The following IGSF10 variants were observed in gnomAD, a reference collection of about 807,000 sequenced individuals.
The protein encoded by IGSF10 is immunoglobulin superfamily member 10.
Under a neutral mutation model 128.2 loss-of-function variants are expected in IGSF10, and 126 were observed. The ratio of observed to expected loss-of-function variants is 0.98; its 90% CI spans 0.85 to 1.14. The LOEUF (loss-of-function observed/expected upper bound fraction) is 1.14. IGSF10 is among the 50% of genes most tolerant of loss of function. IGSF10 has a pLI of 0.00. For missense variants in IGSF10, 3,295 were observed against 3,149.8 expected (o/e 1.05, Z -1.10); for synonymous variants, 1,185 against 1,146.2 (o/e 1.03, Z -0.68).
At chr3:151,613,984 A>AG in the IGSF10 span, among the ~76,000 whole-genome samples, 1 of 152,188 alleles carries the variant, frequency 6.6e-6, no homozygotes, top group Non-Finnish European at 1.5e-5. Flanking sequence ...TACAAGAAAA[A>AG]ACAACCCCAT....
At chr3:151,579,894 G>A in the IGSF10 span, among the ~76,000 whole-genome samples, 4 of 140,754 alleles carry the variant, frequency 2.8e-5, no homozygotes, top group Admixed American at 2.4e-4. Context: ...AAGGAAGGAA[G>A]GAAGGAAGGA....
At chr3:151,508,599 C>A in the IGSF10 span, among the ~76,000 whole-genome samples, 1 of 152,138 alleles carries the variant, frequency 6.6e-6, no homozygotes, top group Non-Finnish European at 1.5e-5. Context: ...TATTGTTTTA[C>A]AGTGATCTGT....
the IGSF10 span, among the ~76,000 whole-genome samples, chr3:151,555,619 G>T: frequency 6.6e-6 from 1 of 152,168 alleles, no homozygotes; most frequent in Non-Finnish European, 1.5e-5. Context: ...AAGTAGCACT[G>T]ATTGAGTCTA....
the IGSF10 span, among the ~76,000 whole-genome samples, chr3:151,608,880 T>C: frequency 1.3e-5 from 2 of 152,340 alleles, no homozygotes; most frequent in African/African-American, 4.8e-5. Context: ...TGAGTTTCTT[T>C]AGATCACTGA....
the IGSF10 span, among the ~76,000 whole-genome samples, chr3:151,614,019 T>C: frequency 3.3e-5 from 5 of 151,998 alleles, no homozygotes; most frequent in Non-Finnish European, 7.4e-5. Flanking sequence ...AGGATATGAA[T>C]AGACACTTCT....
chr3:151,513,472 AAAT>A, the IGSF10 span, among the ~76,000 whole-genome samples: 2 of 152,170 alleles, frequency 1.3e-5, no homozygotes, highest in Non-Finnish European at 1.5e-5. Context: ...ATGTATTTCA[AAAT>A]AATAAGAGCT....
the IGSF10 span, among the ~76,000 whole-genome samples, chr3:151,558,454 C>T: frequency 6.6e-6 from 1 of 152,036 alleles, no homozygotes; most frequent in Non-Finnish European, 1.5e-5. Context: ...AGCACATACT[C>T]TTGCTATACT....
At chr3:151,518,712 A>C in the IGSF10 span, among the ~76,000 whole-genome samples, 2 of 151,964 alleles carry the variant, frequency 1.3e-5, no homozygotes, top group Non-Finnish European at 2.9e-5. Context: ...TTGGGACATA[A>C]TATAAATATT....
In IGSF10 at chr3:151,448,730, G is replaced by A; in HGVS notation, c.1251C>T (p.Asn417=). Residue 417 remains asparagine (N), a synonymous_variant, in exon 6 of 8, where the codon AAC becomes AAT. Coordinates refer to ENST00000282466, the MANE Select transcript of IGSF10 (RefSeq NM_178822.5). ...VAPKPEDIFT[N]IEADLRADPS... ...GATCTGCTCTGAGATCTGCCTCTATGTTGGTAAAAATGTCTTCAGGCTTAG... is the reference window on the plus strand; with the variant it reads ...GATCTGCTCTGAGATCTGCCTCTATATTGGTAAAAATGTCTTCAGGCTTAG... The A allele has an allele frequency of 1.9e-6, 3 of 1,613,744 alleles. No individual in the cohort carries two copies. Among genetic ancestry groups the A allele is most frequent in the Non-Finnish European group, 2.5e-6 (3 of 1,179,646 alleles).
rs148647913 is a variant in IGSF10 at position 151,443,808 on chromosome 3, C to T, written c.5139G>A (p.Val1713=). ...LPNGTLSIQR[V]EIQDRGQYLC... ...AGTACTGTCCGCGGTCCTGAATTTC[C>T]ACCCTCTGGATGGACAGGGTACCAT... The change falls in exon 7 of 8, where the codon GTG becomes GTA. Residue 1713 remains valine, a synonymous_variant. Coordinates refer to ENST00000282466, the MANE Select transcript of IGSF10 (RefSeq NM_178822.5). 2.9e-4 allele frequency: 468 copies of T among 1,614,024 alleles called. No homozygotes were observed. Among genetic ancestry groups the T allele is most frequent in the Non-Finnish European group, 3.8e-4 (449 of 1,180,006 alleles).
At chr3:151,554,517 C>T in the IGSF10 span, among the ~76,000 whole-genome samples, 1 of 147,786 alleles carries the variant, frequency 6.8e-6, no homozygotes, top group East Asian at 1.9e-4. Flanking sequence ...TCTCATAGTT[C>T]ATTACCTATT....
At chr3:151,547,202 A>G in the IGSF10 span, among the ~76,000 whole-genome samples, 1 of 152,262 alleles carries the variant, frequency 6.6e-6, no homozygotes, top group South Asian at 2.1e-4. Flanking sequence ...ACACCGTCCC[A>G]CACACATGCA....
At chr3:151,478,716 TTTTGCA>T in the IGSF10 span, among the ~76,000 whole-genome samples, 2 of 152,190 alleles carry the variant, frequency 1.3e-5, no homozygotes, top group African/African-American at 4.8e-5. Flanking sequence ...GAATGAATCA[TTTTGCA>T]TTTGAGAAGA....
At chr3:151,511,315 A>C in the IGSF10 span, among the ~76,000 whole-genome samples, 72,694 of 152,048 alleles carry the variant, frequency 0.48, 17,846 homozygotes, top group South Asian at 0.59. Flanking sequence ...AATATTCAAC[A>C]TTCTTAAAGA....
the IGSF10 span, among the ~76,000 whole-genome samples, chr3:151,485,514 T>C: frequency 6.6e-6 from 1 of 151,896 alleles, no homozygotes. Flanking sequence ...TTCATCAAGG[T>C]TGAAATGAAA....
the IGSF10 span, among the ~76,000 whole-genome samples, chr3:151,608,922 T>C: frequency 1.3e-5 from 2 of 152,222 alleles, no homozygotes; most frequent in South Asian, 4.1e-4. Context: ...CAACCACCTG[T>C]AGAGGGTTTT....
At chr3:151,542,761 G>A in the IGSF10 span, among the ~76,000 whole-genome samples, 11 of 152,252 alleles carry the variant, frequency 7.2e-5, no homozygotes, top group South Asian at 8.3e-4. Context: ...GTTAGATTAC[G>A]TCCTTTCAAG....
At chr3:151,595,357 A>G in the IGSF10 span, among the ~76,000 whole-genome samples, 2 of 152,252 alleles carry the variant, frequency 1.3e-5, no homozygotes, top group African/African-American at 2.4e-5. Context: ...TAGCCAAGAC[A>G]TGAAAGCAAC....
At chr3:151,570,461 T>G in the IGSF10 span, among the ~76,000 whole-genome samples, 1 of 152,246 alleles carries the variant, frequency 6.6e-6, no homozygotes, top group East Asian at 1.9e-4. Flanking sequence ...ATTGTGGTTT[T>G]GATTTGCATT....
Sources: allele counts gnomAD v4.1 joint callset (sites outside exome capture counted in the v4.1 genomes callset), GRCh38; gene constraint gnomAD v4.1.1; transcripts MANE v1.5; gene names NCBI Gene and HGNC (gene_info 2026-07-23, HGNC 2026-07-21).